The following ARMH4 variants were observed in gnomAD, a reference collection of about 807,000 sequenced individuals.
The protein encoded by ARMH4 is armadillo like helical domain containing 4, also known as armadillo-like helical domain-containing protein 4.
In ARMH4, 49 loss-of-function variants were observed where a neutral mutation model predicts 61.9. That is an observed-to-expected ratio of 0.79 (90% CI 0.63 to 1.00). The LOEUF is 1.00. ARMH4 is among the 50% of genes least tolerant of loss of function. ARMH4 has a pLI of 0.00. For synonymous variants in ARMH4, 368 were observed against 341.5 expected (o/e 1.08, Z -0.85); for missense variants, 934 against 930.0 (o/e 1.00, Z -0.06).
chr14:58,133,350 G>A lies in ARMH4; in HGVS notation c.1370-9C>T. 6.3e-7 allele frequency: 1 copy of A among 1,598,202 alleles called. No individual in the cohort carries two copies. The highest frequency in any genetic ancestry group is 8.5e-7 in the Non-Finnish European group (1 of 1,173,216). Reference sequence around the variant, plus strand: ...CTCTTGAGTGATGATGTCTTAAAGGGGGGAAAACATTTAAAAATAGACCAA... The same window carrying A: ...CTCTTGAGTGATGATGTCTTAAAGGAGGGAAAACATTTAAAAATAGACCAA... On this transcript the variant is annotated splice_polypyrimidine_tract_variant and intron_variant, in intron 2 of 7. Coordinates refer to ENST00000267485, the MANE Select transcript of ARMH4 (RefSeq NM_001001872.4).
At chr14:58,147,016 C>CTG (rs1887754650) in intron 1 of ARMH4, among the ~76,000 whole-genome samples, 1 of 152,194 alleles carries the variant, frequency 6.6e-6, no homozygotes, top group African/African-American at 2.4e-5. Context: ...TACACAAAAA[C>CTG]TACAGAGAGC....
chr14:58,130,059 C>G (rs1887035642), intron 4 of ARMH4, among the ~76,000 whole-genome samples: 1 of 152,138 alleles, frequency 6.6e-6, no homozygotes, highest in South Asian at 2.1e-4. Context: ...ATGGATTATT[C>G]ACAAATATTT....
chr14:58,115,388 A>C (rs1886484230), intron 4 of ARMH4, among the ~76,000 whole-genome samples: 1 of 152,192 alleles, frequency 6.6e-6, no homozygotes, highest in Admixed American at 6.5e-5. Context: ...ATCTCACACC[A>C]GTCAGAATGG....
chr14:58,089,518 A>C (rs1942508431), intron 5 of ARMH4, among the ~76,000 whole-genome samples: 1 of 152,196 alleles, frequency 6.6e-6, no homozygotes, highest in Non-Finnish European at 1.5e-5. Flanking sequence ...CCTCCTACCA[A>C]TTCAAAACAC....
intron 4 of ARMH4, among the ~76,000 whole-genome samples, chr14:58,111,883 T>C (rs1304645199): frequency 6.6e-6 from 1 of 151,924 alleles, no homozygotes; most frequent in Non-Finnish European, 1.5e-5. Context: ...TTGTAGGGAT[T>C]AGGGTCTCTT....
chr14:58,119,206 T>G (rs1166624229), intron 4 of ARMH4, among the ~76,000 whole-genome samples: 1 of 152,250 alleles, frequency 6.6e-6, no homozygotes, highest in Non-Finnish European at 1.5e-5. Context: ...ATTTTTCTTC[T>G]AATCTTTTCC....
chr14:58,078,098 C>A (rs757586605), intron 5 of ARMH4, among the ~76,000 whole-genome samples: 4 of 152,204 alleles, frequency 2.6e-5, no homozygotes, highest in Non-Finnish European at 4.4e-5. Flanking sequence ...CATGTTTCAA[C>A]TACCAGTTCT....
In ARMH4 at chr14:58,097,027, T is replaced by C; in HGVS notation, c.1832-46A>G. On this transcript the variant is annotated intron_variant, in intron 4 of 7. Coordinates refer to ENST00000267485, the MANE Select transcript of ARMH4 (RefSeq NM_001001872.4). ...GGGAAGCATAAACATATAATGAGTT[T>C]ATGCTGAAACAAATGAATCCTTGGA... 3.2e-6 allele frequency: 5 copies of C among 1,574,788 alleles called. No individual in the cohort carries two copies. The East Asian group carries it at 1.1e-4, about 35-fold the overall frequency.
intron 5 of ARMH4, among the ~76,000 whole-genome samples, chr14:58,024,774 A>G (rs1459309043): frequency 6.6e-6 from 1 of 152,186 alleles, no homozygotes; most frequent in East Asian, 1.9e-4. Flanking sequence ...TAATTGCATT[A>G]ATTTCAATAT....
intron 4 of ARMH4, among the ~76,000 whole-genome samples, chr14:58,130,035 G>T (rs765899303): frequency 6.6e-6 from 1 of 152,156 alleles, no homozygotes; most frequent in Non-Finnish European, 1.5e-5. Flanking sequence ...GAAAGTTACT[G>T]CAGTTTCACA....
intron 5 of ARMH4, among the ~76,000 whole-genome samples, chr14:58,068,148 T>C (rs866459428): frequency 6.6e-6 from 1 of 152,158 alleles, no homozygotes; most frequent in Admixed American, 6.6e-5. Context: ...ATTATTCACA[T>C]CCCTGAAAAT....
chr14:58,138,289 T>C lies in ARMH4; in HGVS notation c.1070A>G (p.Gln357Arg), dbSNP rs1480029975. 6.2e-7 allele frequency: 1 copy of C among 1,614,256 alleles called. No individual in the cohort carries two copies. Among genetic ancestry groups the C allele is most frequent in the South Asian group, 1.1e-5 (1 of 91,084 alleles). Residue 357 changes from glutamine to arginine, a missense_variant, in exon 2 of 8, where the codon CAG becomes CGG. Coordinates refer to ENST00000267485, the MANE Select transcript of ARMH4 (RefSeq NM_001001872.4). ...QVSHEGMEGG[Q>R]PWTEAAQVAL... Reference sequence around the variant, plus strand: ...CACCTGTGCAGCCTCTGTCCAAGGCTGGCCTCCTTCCATACCCTCATGGCT... The same window carrying C: ...CACCTGTGCAGCCTCTGTCCAAGGCCGGCCTCCTTCCATACCCTCATGGCT...
At chr14:58,145,627 T>G (rs549900292) in intron 1 of ARMH4, among the ~76,000 whole-genome samples, 1 of 152,398 alleles carries the variant, frequency 6.6e-6, no homozygotes, top group African/African-American at 2.4e-5. Flanking sequence ...AATTTTTGCG[T>G]GAAGGGAATT....
intron 4 of ARMH4, among the ~76,000 whole-genome samples, chr14:58,103,976 C>T (rs1413821112): frequency 6.6e-6 from 1 of 152,018 alleles, no homozygotes; most frequent in African/African-American, 2.4e-5. Flanking sequence ...TGAAAGGAAC[C>T]TCAAAAGTCA....
chr14:58,045,566 CA>C (rs779650568), intron 5 of ARMH4, among the ~76,000 whole-genome samples: 14 of 150,426 alleles, frequency 9.3e-5, no homozygotes, highest in African/African-American at 1.2e-4. Flanking sequence ...ACATATGTAA[CA>C]AACCTGCACG....
intron 5 of ARMH4, among the ~76,000 whole-genome samples, chr14:58,035,921 CAA>C (rs1486854235): frequency 2.3e-5 from 3 of 133,016 alleles, no homozygotes; most frequent in Non-Finnish European, 1.7e-5. Flanking sequence ...GTTTACCAAC[CAA>C]AAAGAGTCCA....
chr14:58,011,805 C>T (rs1313451263), intron 6 of ARMH4, among the ~76,000 whole-genome samples: 1 of 149,752 alleles, frequency 6.7e-6, no homozygotes, highest in African/African-American at 2.4e-5. Context: ...GATGACAATC[C>T]TGAAATTCCC....
intron 5 of ARMH4, among the ~76,000 whole-genome samples, chr14:58,031,115 A>G (rs1236417537): frequency 1.3e-5 from 2 of 152,212 alleles, no homozygotes; most frequent in East Asian, 3.8e-4. Flanking sequence ...AATAGCTATA[A>G]AGTGTTATGT....
At chr14:58,146,262 G>A (rs780431418) in intron 1 of ARMH4, among the ~76,000 whole-genome samples, 1 of 152,228 alleles carries the variant, frequency 6.6e-6, no homozygotes, top group African/African-American at 2.4e-5. Flanking sequence ...AGAATTCTGT[G>A]TCTTAATTAT....
Sources: allele counts gnomAD v4.1 joint callset (sites outside exome capture counted in the v4.1 genomes callset), GRCh38; gene constraint gnomAD v4.1.1; transcripts MANE v1.5; gene names NCBI Gene and HGNC (gene_info 2026-07-23, HGNC 2026-07-21).